Variants in CLIP1 observed in about 807,000 individuals in gnomAD.
CLIP1 encodes CAP-Gly domain-containing linker protein 1.
Under a neutral mutation model 161.6 loss-of-function variants are expected in CLIP1, and 66 were observed. That is an observed-to-expected ratio of 0.41 (90% confidence interval 0.33 to 0.50). The LOEUF is 0.50. CLIP1 is among the 20% of genes least tolerant of loss of function. The pLI, the probability that CLIP1 is intolerant of heterozygous loss-of-function variation, is 0.27. For missense variants in CLIP1, 1,376 were observed against 1,702.0 expected (o/e 0.81, Z 3.37); for synonymous variants, 598 against 626.2 (o/e 0.96, Z 0.67).
At chr12:122,390,279 CATATATATATAT>C (rs1179187571) in intron 1 of CLIP1, among the ~76,000 whole-genome samples, 2 of 78,984 alleles carry the variant, frequency 2.5e-5, no homozygotes, top group African/African-American at 3.8e-5. Context: ...TATATATATA[CATATATATATAT>C]ATATATATAT....
chr12:122,346,912 A>T (rs1310495827), intron 10 of CLIP1, among the ~76,000 whole-genome samples: 3 of 152,222 alleles, frequency 2.0e-5, no homozygotes, highest in Non-Finnish European at 4.4e-5. Context: ...CATGAAACAC[A>T]GCCCATGTTT....
chr12:122,351,082 A>C (rs1311435262), intron 9 of CLIP1, 29 bp downstream of exon 9: 1 of 1,513,590 alleles, frequency 6.6e-7, no homozygotes, highest in Non-Finnish European at 8.9e-7. Context: ...TAACAAGGGA[A>C]ATATCCACAC....
intron 1 of CLIP1, among the ~76,000 whole-genome samples, chr12:122,418,898 T>C (rs1956843681): frequency 6.6e-6 from 1 of 152,228 alleles, no homozygotes; most frequent in African/African-American, 2.4e-5. Flanking sequence ...ATTATTTGGA[T>C]AGTGAAAAGT....
intron 1 of CLIP1, among the ~76,000 whole-genome samples, chr12:122,414,503 T>C (rs1485232820): frequency 1.3e-5 from 2 of 151,922 alleles, no homozygotes; most frequent in Admixed American, 1.3e-4. Flanking sequence ...TCTATCTTTT[T>C]GCCCAGGCTG....
chr12:122,353,215 T>C (rs1417370942), intron 7 of CLIP1, among the ~76,000 whole-genome samples: 2 of 152,132 alleles, frequency 1.3e-5, no homozygotes, highest in Non-Finnish European at 2.9e-5. Flanking sequence ...TGTGGCAGCG[T>C]GCACCCGTGT....
intron 3 of CLIP1, chr12:122,365,674 AT>A: frequency 2.1e-5 from 12 of 567,198 alleles, no homozygotes; most frequent in Admixed American, 3.6e-5. Flanking sequence ...CCTCTGGGCT[AT>A]TTAAAAAAAA....
At chr12:122,377,240 C>A (rs184902106) in intron 3 of CLIP1, 149 bp downstream of exon 3, 68 of 653,126 alleles carry the variant, frequency 1.0e-4, no homozygotes, top group African/African-American at 6.7e-4. Context: ...GAACTCCTGA[C>A]CTCGTGATCC....
intron 1 of CLIP1, among the ~76,000 whole-genome samples, chr12:122,401,845 A>G (rs1956153687): frequency 6.7e-6 from 1 of 150,020 alleles, no homozygotes; most frequent in African/African-American, 2.5e-5. Flanking sequence ...TAACAATACA[A>G]AATTATCCAG....
At chr12:122,284,155 TAACA>T (rs1260338695) in intron 21 of CLIP1, among the ~76,000 whole-genome samples, 26 of 152,122 alleles carry the variant, frequency 1.7e-4, no homozygotes, top group African/African-American at 5.8e-4. Context: ...AAGGGTTAAT[TAACA>T]AACAAACAAA....
intron 23 of CLIP1, 48 bp from the exon 24 acceptor site, chr12:122,278,251 T>C: frequency 1.4e-6 from 2 of 1,442,476 alleles, no homozygotes; most frequent in African/African-American, 1.4e-5. Flanking sequence ...GGAGAATATA[T>C]GTATATTTTT....
intron 20 of CLIP1, among the ~76,000 whole-genome samples, chr12:122,306,183 A>T (rs1950867661): frequency 6.6e-6 from 1 of 151,478 alleles, no homozygotes; most frequent in Non-Finnish European, 1.5e-5. Flanking sequence ...CAGCTTTGGG[A>T]CTCGAACTGG....
intron 20 of CLIP1, among the ~76,000 whole-genome samples, chr12:122,292,907 G>C (rs1950303765): frequency 6.6e-6 from 1 of 150,940 alleles, no homozygotes; most frequent in African/African-American, 2.5e-5. Flanking sequence ...GGAGGCTGAG[G>C]CAGGAGAATG....
chr12:122,369,417 T>C (rs1314672964), intron 3 of CLIP1, among the ~76,000 whole-genome samples: 1 of 151,864 alleles, frequency 6.6e-6, no homozygotes, highest in Non-Finnish European at 1.5e-5. Flanking sequence ...TCTTCACTGG[T>C]CCTAAGTCGA....
intron 20 of CLIP1, among the ~76,000 whole-genome samples, chr12:122,304,571 A>T (rs1461036406): frequency 6.6e-6 from 1 of 152,170 alleles, no homozygotes; most frequent in Non-Finnish European, 1.5e-5. Flanking sequence ...CATGTTTCTC[A>T]GCTAGTCTCG....
chr12:122,364,172 C>T, intron 3 of CLIP1, 65 bp from the exon 4 acceptor site: 2 of 1,588,864 alleles, frequency 1.3e-6, no homozygotes, highest in South Asian at 1.1e-5. Flanking sequence ...GTTTGTGGTC[C>T]CTACTAGTAA....
intron 1 of CLIP1, among the ~76,000 whole-genome samples, chr12:122,381,401 T>C (rs1955008041): frequency 6.6e-6 from 1 of 152,202 alleles, no homozygotes; most frequent in Non-Finnish European, 1.5e-5. Context: ...ACCTTGTTTC[T>C]ATCTAGAAAA....
chr12:122,352,893 C>CCTACCATG (rs978700432), intron 7 of CLIP1, 107 bp from the exon 8 acceptor site: 2 of 896,506 alleles, frequency 2.2e-6, no homozygotes, highest in Admixed American at 3.9e-5. Flanking sequence ...GTAGGCCACT[C>CCTACCATG]CTATAATCCC....
chr12:122,415,049 C>T (rs1392925621), intron 1 of CLIP1, among the ~76,000 whole-genome samples: 1 of 151,856 alleles, frequency 6.6e-6, no homozygotes. Context: ...CGGAGTGAGA[C>T]TCTGTCTCAA....
rs749889785 is a variant in CLIP1, at chr12:122,336,702, G to A, written c.2498C>T (p.Thr833Ile). 28 of 1,612,038 alleles carry A rather than the reference G, an allele frequency of 1.7e-5. No homozygotes were observed. The highest frequency in any genetic ancestry group is 2.3e-5 in the Non-Finnish European group (27 of 1,179,040). ...TTCACTCAAATTTTCCTGAAGGTTA[G>A]TAAGCTTTAGCTCTCTCCCCTGGAG... ...RELQGRELKL[T>I]NLQENLSEVS... The change falls in exon 12 of 26, where the codon ACT (threonine) becomes ATT (isoleucine). Residue 833 changes from threonine (T) to isoleucine (I), a missense_variant. By Grantham distance (89) the Thr-to-Ile change is moderately conservative. Around this residue, in one of 6 missense-constraint regions of CLIP1, gnomAD observed 948 missense variants for 1,134.8 expected, o/e 0.84. Coordinates refer to ENST00000620786, the MANE Select transcript of CLIP1 (RefSeq NM_001247997.2).
Sources: allele counts gnomAD v4.1 joint callset (sites outside exome capture counted in the v4.1 genomes callset), GRCh38; gene constraint gnomAD v4.1.1; regional missense constraint gnomAD v4.1.1; transcripts MANE v1.5; gene names NCBI Gene and HGNC (gene_info 2026-07-23, HGNC 2026-07-21).